Variants in INSL6 observed in about 807,000 individuals in gnomAD.
INSL6 encodes insulin-like peptide INSL6.
In INSL6, 16 loss-of-function variants were observed where a neutral mutation model predicts 9.4. The observed-to-expected ratio is 1.70, with a 90% CI of 1.15 to 2.59. The LOEUF (loss-of-function observed/expected upper bound fraction) is 2.59. Ranked by LOEUF, INSL6 falls within the 30% of genes most tolerant of loss-of-function variation. The pLI is 0.00. For missense variants in INSL6, 391 were observed against 257.3 expected (o/e 1.52, Z -3.56); for synonymous variants, 154 against 96.9 (o/e 1.59, Z -3.46).
At chr9:5,153,851 T>C (rs1371172959) in intron 2 of INSL6, among the ~76,000 whole-genome samples, 3 of 152,354 alleles carry the variant, frequency 2.0e-5, no homozygotes, top group South Asian at 2.1e-4. Flanking sequence ...AAACATTCCA[T>C]GCTCATGGAT....
At chr9:5,107,116 T>C in the INSL6 span, among the ~76,000 whole-genome samples, 1 of 152,196 alleles carries the variant, frequency 6.6e-6, no homozygotes, top group African/African-American at 2.4e-5. Context: ...AGATGTAGTA[T>C]GACTATTCTT....
the INSL6 span, chr9:5,098,654 G>T: frequency 6.6e-6 from 1 of 151,734 alleles, no homozygotes; most frequent in Non-Finnish European, 1.5e-5. Context: ...CAATGATATT[G>T]AAGCTATGAA....
chr9:5,037,519 G>T, the INSL6 span, among the ~76,000 whole-genome samples: 7 of 152,138 alleles, frequency 4.6e-5, no homozygotes, highest in African/African-American at 1.7e-4. Context: ...ATGGAATACT[G>T]TGCAGCCATG....
Position 5,131,435 on chromosome 9 carries a change from A to ATTTTTTTTTTTTT in INSL6, c.*10+1977_*10+1989dup, listed in dbSNP as rs550915336. On this transcript the variant is annotated intron_variant, in intron 3 of 3. Coordinates refer to the INSL6 transcript ENST00000649639. ...AATTCTTTAACACCACCAGTTAACA[A>ATTTTTTTTTTTTT]TTTTTTTTTTTTTTTTTTTGAGACA... 5.4e-4 allele frequency among the ~76,000 whole-genome samples: 62 copies of ATTTTTTTTTTTTT among 115,816 alleles called. 5 individuals are homozygous for ATTTTTTTTTTTTT. The highest frequency in any genetic ancestry group is 2.2e-3 in the African/African-American group (56 of 24,942). 76.0% of individuals were successfully genotyped at this position (115,816 alleles called of 152,430 possible). A position where few individuals can be genotyped will look rare whatever the true frequency, so the allele number is the denominator to read the frequency against.
the INSL6 span, chr9:5,110,650 A>C: frequency 4.5e-6 from 1 of 223,812 alleles, no homozygotes; most frequent in South Asian, 6.4e-5. Flanking sequence ...CTTATTATCG[A>C]AACCACAAAT....
the INSL6 span, among the ~76,000 whole-genome samples, chr9:5,046,829 T>C: frequency 6.6e-6 from 1 of 152,200 alleles, no homozygotes; most frequent in African/African-American, 2.4e-5. Context: ...TTTCTGTTGC[T>C]TTTACGGGTA....
chr9:5,158,929 A>G (rs1586868020), downstream of INSL6, among the ~76,000 whole-genome samples: 1 of 150,348 alleles, frequency 6.7e-6, no homozygotes. Context: ...AATAATGACT[A>G]CAAGAACTTT....
intron 1 of INSL6, among the ~76,000 whole-genome samples, chr9:5,180,116 A>T (rs1457389011): frequency 2.6e-5 from 4 of 152,230 alleles, no homozygotes; most frequent in African/African-American, 9.6e-5. Flanking sequence ...AGGAACATAA[A>T]TTGTGAAGAT....
the INSL6 span, chr9:5,109,783 AAT>A: frequency 2.0e-5 from 3 of 152,190 alleles, no homozygotes; most frequent in South Asian, 6.2e-4. Flanking sequence ...TAGAATTCTC[AAT>A]ATGATATATA....
the INSL6 span, among the ~76,000 whole-genome samples, chr9:5,031,034 G>C: frequency 6.6e-6 from 1 of 151,898 alleles, no homozygotes; most frequent in South Asian, 2.1e-4. Flanking sequence ...GTCTTAATAA[G>C]AAAAAACAGA....
chr9:5,100,488 C>A, the INSL6 span: 12 of 152,288 alleles, frequency 7.9e-5, no homozygotes, highest in African/African-American at 2.6e-4. Flanking sequence ...TGGAATAATT[C>A]TATTTATTAT....
chr9:5,130,355 C>G (rs74625584), intron 3 of INSL6, among the ~76,000 whole-genome samples: 1 of 152,106 alleles, frequency 6.6e-6, no homozygotes, highest in Non-Finnish European at 1.5e-5. Context: ...TGTGAACAGA[C>G]AGAAGCATAG....
chr9:5,143,640 T>TCCTG (rs1194549643), intron 2 of INSL6, among the ~76,000 whole-genome samples: 4 of 150,360 alleles, frequency 2.7e-5, no homozygotes. Flanking sequence ...AATAAACAGC[T>TCCTG]CCTGGATCCT....
At chr9:5,150,050 A>C (rs1403807572) in intron 2 of INSL6, among the ~76,000 whole-genome samples, 1 of 152,238 alleles carries the variant, frequency 6.6e-6, no homozygotes, top group Non-Finnish European at 1.5e-5. Context: ...CCCTGTGCAG[A>C]AGAATCAATC....
chr9:5,047,967 A>G, the INSL6 span, among the ~76,000 whole-genome samples: 3 of 152,280 alleles, frequency 2.0e-5, no homozygotes, highest in Admixed American at 6.5e-5. Flanking sequence ...TTTAAGGAAT[A>G]GTATTTATTA....
chr9:5,085,225 G>A, the INSL6 span: 23 of 667,924 alleles, frequency 3.4e-5, no homozygotes, highest in East Asian at 5.8e-4. Flanking sequence ...CTGCTGACAG[G>A]CAAATAGGAC....
chr9:5,087,697 C>A, the INSL6 span, among the ~76,000 whole-genome samples: 1 of 152,098 alleles, frequency 6.6e-6, no homozygotes. Flanking sequence ...TACATTTTCC[C>A]ACTGCTTATT....
the INSL6 span, among the ~76,000 whole-genome samples, chr9:5,028,633 T>G: frequency 1.3e-5 from 2 of 152,240 alleles, no homozygotes; most frequent in Non-Finnish European, 2.9e-5. Flanking sequence ...GAAAATCTAT[T>G]GTTTATCAGT....
At chr9:5,004,397 G>T in the INSL6 span, among the ~76,000 whole-genome samples, 2 of 152,022 alleles carry the variant, frequency 1.3e-5, no homozygotes, top group Non-Finnish European at 2.9e-5. Flanking sequence ...TTGTCTTTCT[G>T]TGCCTAGCTT....
Sources: allele counts gnomAD v4.1 joint callset (sites outside exome capture counted in the v4.1 genomes callset), GRCh38; gene constraint gnomAD v4.1.1; transcripts MANE v1.5; gene names NCBI Gene and HGNC (gene_info 2026-07-23, HGNC 2026-07-21).